The following SCFD1 variants were observed in gnomAD, a reference collection of about 807,000 sequenced individuals.
SCFD1 encodes sec1 family domain containing 1, also known as sec1 family domain-containing protein 1.
In SCFD1, 37 loss-of-function variants were observed where a neutral mutation model predicts 103.2. The ratio of observed to expected loss-of-function variants is 0.36; its 90% CI spans 0.28 to 0.47. SCFD1 has a LOEUF of 0.47. Ranked by LOEUF, SCFD1 falls within the 20% of genes least tolerant of loss-of-function variation. SCFD1 has a pLI of 1.00. For synonymous variants in SCFD1, 264 were observed against 245.0 expected, an observed-to-expected ratio of 1.08 and a Z score of -0.73; for missense variants, 639 against 761.2, an observed-to-expected ratio of 0.84 and a Z score of 1.89.
At chr14:30,649,660 G>A (rs1886215033) in intron 8 of SCFD1, 77 bp downstream of exon 8, 2 of 1,076,916 alleles carry the variant, frequency 1.9e-6, no homozygotes, top group Admixed American at 2.5e-5. Flanking sequence ...CAACTGTTTT[G>A]TTAATATTTA....
intron 19 of SCFD1, among the ~76,000 whole-genome samples, chr14:30,710,828 G>T (rs1027313530): frequency 1.3e-5 from 2 of 152,122 alleles, no homozygotes; most frequent in African/African-American, 4.8e-5. Flanking sequence ...GATCAGTTCT[G>T]TTTCACTCTT....
At chr14:30,653,635 A>G (rs1474553409) in intron 10 of SCFD1, 47 bp downstream of exon 10, 2 of 1,244,752 alleles carry the variant, frequency 1.6e-6, no homozygotes, top group African/African-American at 3.0e-5. Flanking sequence ...AGTAACATGC[A>G]GTGTTCCCTT....
chr14:30,703,363 A>G (rs1891206603), intron 17 of SCFD1, among the ~76,000 whole-genome samples: 1 of 149,946 alleles, frequency 6.7e-6, no homozygotes, highest in African/African-American at 2.5e-5. Flanking sequence ...TACAGTTATG[A>G]TCCCTGTTTA....
chr14:30,648,687 G>A (rs1886093527), intron 7 of SCFD1, among the ~76,000 whole-genome samples: 2 of 152,190 alleles, frequency 1.3e-5, no homozygotes, highest in African/African-American at 4.8e-5. Context: ...TGAGGTAGCA[G>A]GATCACTTGA....
chr14:30,704,160 T>C (rs946457602), intron 17 of SCFD1, among the ~76,000 whole-genome samples: 2 of 151,786 alleles, frequency 1.3e-5, no homozygotes, highest in African/African-American at 4.8e-5. Flanking sequence ...GTATATTCTT[T>C]CATTGTTTAT....
At chr14:30,730,248 CA>C (rs1893355361) in intron 23 of SCFD1, among the ~76,000 whole-genome samples, 1 of 152,126 alleles carries the variant, frequency 6.6e-6, no homozygotes, top group Non-Finnish European at 1.5e-5. Flanking sequence ...TTTCTTAATC[CA>C]GTCTATCATT....
chr14:30,734,777 CTGA>C lies in SCFD1; in HGVS notation c.1837-11_1837-9del. On this transcript the variant is annotated splice_polypyrimidine_tract_variant and intron_variant, in intron 23 of 24. Coordinates refer to ENST00000458591, the MANE Select transcript of SCFD1 (RefSeq NM_016106.4). ...TGTTACTTGTATCTAAGTTCTGACT[CTGA>C]TTTTTACAGGGGAAACAAGGCAAAC... The C allele has an allele frequency of 6.2e-7, 1 of 1,604,838 alleles. No homozygotes were observed. The highest frequency in any genetic ancestry group is 8.5e-7 in the Non-Finnish European group (1 of 1,171,794).
At chr14:30,697,209 G>A (rs1676106365) in intron 15 of SCFD1, among the ~76,000 whole-genome samples, 1 of 152,118 alleles carries the variant, frequency 6.6e-6, no homozygotes, top group African/African-American at 2.4e-5. Flanking sequence ...GATTCCAGAG[G>A]TGGGGCAGGG....
In SCFD1 at chr14:30,664,144, T is replaced by TA. The variant is rs1887700543; in HGVS notation, c.856-6111dup. Among the ~76,000 whole-genome samples, 3 of 152,018 alleles carry TA rather than the reference T, an allele frequency of 2.0e-5. No individual in the cohort carries two copies. In the South Asian group the frequency reaches 6.2e-4, roughly 32 times the overall value. ...CCAGTAGGGGCTGACTGACACCTCA[T>TA]ACACCCGGGCGCCCCTCTGAGATGA... On this transcript the variant is annotated intron_variant, in intron 10 of 24. Coordinates refer to ENST00000458591, the MANE Select transcript of SCFD1 (RefSeq NM_016106.4).
intron 10 of SCFD1, among the ~76,000 whole-genome samples, chr14:30,668,445 C>G (rs1334681744): frequency 1.3e-5 from 2 of 152,126 alleles, no homozygotes; most frequent in South Asian, 4.2e-4. Context: ...CCATAAAAAC[C>G]CTAGAAGAAA....
intron 23 of SCFD1, among the ~76,000 whole-genome samples, chr14:30,731,046 T>A (rs1425974142): frequency 6.6e-6 from 1 of 152,216 alleles, no homozygotes; most frequent in Non-Finnish European, 1.5e-5. Flanking sequence ...AAGGAAGGGA[T>A]CCAGTTTCAG....
chr14:30,647,808 G>A (rs920890904), intron 7 of SCFD1, among the ~76,000 whole-genome samples: 1 of 151,928 alleles, frequency 6.6e-6, no homozygotes, highest in Non-Finnish European at 1.5e-5. Context: ...GCTCTACCAC[G>A]CCTGGCTAAT....
intron 14 of SCFD1, among the ~76,000 whole-genome samples, chr14:30,688,902 C>A: frequency 1.1e-5 from 1 of 93,296 alleles, no homozygotes; most frequent in Admixed American, 1.1e-4. Flanking sequence ...CAATTTCTTC[C>A]TAGTCTCGAT....
chr14:30,710,325 A>G (rs1300871534), intron 19 of SCFD1, among the ~76,000 whole-genome samples: 1 of 128,722 alleles, frequency 7.8e-6, no homozygotes, highest in Non-Finnish European at 1.5e-5. Flanking sequence ...CAGAAGAGCC[A>G]TGTCATTAAA....
chr14:30,634,082 A>ATT, intron 4 of SCFD1, 45 bp downstream of exon 4: 3 of 1,177,202 alleles, frequency 2.5e-6, no homozygotes, highest in Non-Finnish European at 2.4e-6. Context: ...TTGGAAATGG[A>ATT]TTTTTTTTTC....
chr14:30,688,969 G>A (rs1890053795), intron 14 of SCFD1, among the ~76,000 whole-genome samples: 1 of 56,142 alleles, frequency 1.8e-5, no homozygotes. Context: ...TCCTTTCCAT[G>A]TTTAGCGCTT....
intron 15 of SCFD1, among the ~76,000 whole-genome samples, 179 bp downstream of exon 15, chr14:30,695,048 A>G (rs1166756367): frequency 2.0e-5 from 3 of 152,218 alleles, no homozygotes; most frequent in African/African-American, 7.2e-5. Flanking sequence ...CAGTGGAAAA[A>G]TAATTTGCAT....
chr14:30,694,717 T>A, intron 14 of SCFD1, 56 bp from the exon 15 acceptor site: 2 of 1,520,754 alleles, frequency 1.3e-6, no homozygotes, highest in African/African-American at 2.9e-5. Context: ...GGTGAGTAGA[T>A]CATTATGTAT....
chr14:30,639,235 C>T (rs941713601), intron 5 of SCFD1, among the ~76,000 whole-genome samples: 2 of 152,146 alleles, frequency 1.3e-5, no homozygotes, highest in African/African-American at 4.8e-5. Context: ...AGTCCTCCCA[C>T]CTCAGCCTCC....
Sources: gnomAD v4.1 joint callset for allele counts (sites outside exome capture counted in the v4.1 genomes callset) on GRCh38, gnomAD v4.1.1 for gene constraint, MANE v1.5 for transcripts, NCBI Gene and HGNC (gene_info 2026-07-23, HGNC 2026-07-21) for gene names.